CACNA2D3: variants seen among roughly 807,000 people sequenced by gnomAD.
CACNA2D3 encodes the protein calcium voltage-gated channel auxiliary subunit alpha2delta 3.
CACNA2D3 carries 60 observed loss-of-function variants against 160.6 expected under a neutral mutation model. The ratio of observed to expected loss-of-function variants is 0.37; its 90% confidence interval spans 0.30 to 0.46. The LOEUF (loss-of-function observed/expected upper bound fraction) is 0.46. Ranked by LOEUF, CACNA2D3 falls within the 20% of genes least tolerant of loss-of-function variation. The pLI is 1.00. For synonymous variants in CACNA2D3, 558 were observed against 492.9 expected (o/e 1.13, Z -1.75); for missense variants, 1,205 against 1,365.0 (o/e 0.88, Z 1.85).
intron 11 of CACNA2D3, among the ~76,000 whole-genome samples, chr3:54,709,452 C>A (rs1298761484): frequency 6.6e-6 from 1 of 151,950 alleles, no homozygotes; most frequent in African/African-American, 2.4e-5. Context: ...GCCTTAGCCT[C>A]CTGGGTTCAA....
intron 27 of CACNA2D3, chr3:54,925,097 G>A (rs766616024): frequency 2.3e-5 from 37 of 1,613,930 alleles, no homozygotes; most frequent in African/African-American, 2.7e-5. Context: ...AAGGGATTTC[G>A]GCCAGACCCT....
At chr3:54,216,922 G>C (rs1479222294) in intron 2 of CACNA2D3, among the ~76,000 whole-genome samples, 2 of 152,128 alleles carry the variant, frequency 1.3e-5, no homozygotes, top group Non-Finnish European at 1.5e-5. Context: ...TCTGTTTGGT[G>C]GGGGGAGATA....
chr3:54,859,607 G>A (rs1415785778), intron 17 of CACNA2D3, among the ~76,000 whole-genome samples: 1 of 152,158 alleles, frequency 6.6e-6, no homozygotes, highest in East Asian at 1.9e-4. Context: ...AGCATGATAG[G>A]ATTGTCCCTG....
At chr3:54,379,293 C>A (rs1699061429) in intron 3 of CACNA2D3, among the ~76,000 whole-genome samples, 2 of 152,166 alleles carry the variant, frequency 1.3e-5, no homozygotes, top group South Asian at 4.1e-4. Flanking sequence ...TCATGTGCAA[C>A]AAAGCTTATT....
Position 54,880,917 on chromosome 3 carries a change from G to C in CACNA2D3, c.1912+54G>C, listed in dbSNP as rs574487988. ...TTTGGTGTGGGAGGAAAGCTCGGGA[G>C]CTAGCTACTGAGTTAGCTGAAGAAC... On this transcript the variant is annotated intron_variant, in intron 21 of 37. Coordinates refer to ENST00000474759, the MANE Select transcript of CACNA2D3 (RefSeq NM_018398.3). The C allele has an allele frequency of 3.0e-5, 44 of 1,475,166 alleles. No individual in the cohort carries two copies. In the African/African-American group the frequency reaches 5.8e-4, roughly 19 times the overall value. 91.4% of individuals were successfully genotyped at this position (1,475,166 alleles called of 1,614,324 possible). A position where few individuals can be genotyped will look rare whatever the true frequency, so the allele number is the denominator to read the frequency against.
chr3:54,230,799 A>C (rs980275118), intron 2 of CACNA2D3, among the ~76,000 whole-genome samples: 1 of 152,254 alleles, frequency 6.6e-6, no homozygotes, highest in Admixed American at 6.5e-5. Context: ...AAATCTCTTT[A>C]CAAATGGAGG....
intron 2 of CACNA2D3, among the ~76,000 whole-genome samples, chr3:54,301,040 AAAAAT>A (rs1224854914): frequency 2.0e-5 from 3 of 151,908 alleles, no homozygotes; most frequent in Admixed American, 2.0e-4. Flanking sequence ...AAAAAAAAGA[AAAAAT>A]AAAGGATAAG....
At chr3:54,736,063 A>G (rs13098101) in intron 11 of CACNA2D3, among the ~76,000 whole-genome samples, 827 of 26,448 alleles carry the variant, frequency 0.031, 72 homozygotes, top group African/African-American at 0.062. Context: ...ATATGTATGT[A>G]TATATATATA....
chr3:54,393,483 C>T (rs1374966893), intron 4 of CACNA2D3, among the ~76,000 whole-genome samples: 1 of 152,220 alleles, frequency 6.6e-6, no homozygotes, highest in Non-Finnish European at 1.5e-5. Flanking sequence ...CCACCCTTGC[C>T]TGCTGGCCCA....
chr3:54,416,471 C>T (rs973982305), intron 4 of CACNA2D3, among the ~76,000 whole-genome samples: 34 of 152,112 alleles, frequency 2.2e-4, no homozygotes, highest in African/African-American at 8.2e-4. Context: ...CTGTTACATC[C>T]ATAATGGTGA....
At chr3:54,358,521 T>C (rs1393872972) in intron 3 of CACNA2D3, among the ~76,000 whole-genome samples, 1 of 152,172 alleles carries the variant, frequency 6.6e-6, no homozygotes, top group Non-Finnish European at 1.5e-5. Context: ...TGATAATGCC[T>C]GAGGATGCTT....
intron 31 of CACNA2D3, among the ~76,000 whole-genome samples, chr3:55,002,849 CTG>C (rs1287436951): frequency 6.6e-6 from 1 of 152,146 alleles, no homozygotes; most frequent in Non-Finnish European, 1.5e-5. Context: ...CCACAGACGA[CTG>C]TGTTTAATCC....
At chr3:54,533,332 C>CTTTTTTTT (rs60076440) in intron 5 of CACNA2D3, among the ~76,000 whole-genome samples, 5 of 97,306 alleles carry the variant, frequency 5.1e-5, no homozygotes, top group African/African-American at 1.6e-4. Context: ...CTTTTCTTTC[C>CTTTTTTTT]TTTTTTTTTT....
chr3:54,185,067 T>C (rs994096405), intron 2 of CACNA2D3, among the ~76,000 whole-genome samples: 9 of 152,220 alleles, frequency 5.9e-5, no homozygotes, highest in Non-Finnish European at 1.3e-4. Flanking sequence ...TGTTCATAAA[T>C]GCTGAAATTC....
At chr3:54,892,245 G>A (rs1433959597) in intron 25 of CACNA2D3, among the ~76,000 whole-genome samples, 1 of 152,094 alleles carries the variant, frequency 6.6e-6, no homozygotes, top group Non-Finnish European at 1.5e-5. Flanking sequence ...GTTTGCAAGT[G>A]TGTGTGTGTG....
At chr3:54,924,721 A>G (rs778165020) in intron 27 of CACNA2D3, 6 of 1,614,146 alleles carry the variant, frequency 3.7e-6, no homozygotes, top group Admixed American at 1.7e-5. Flanking sequence ...CTGGGCATGG[A>G]TTCCAGGAGC....
At chr3:54,170,841 A>G (rs576605570) in intron 2 of CACNA2D3, among the ~76,000 whole-genome samples, 4 of 152,244 alleles carry the variant, frequency 2.6e-5, no homozygotes, top group African/African-American at 9.6e-5. Context: ...AGATTTTATT[A>G]TTTTGCCATG....
chr3:54,505,075 G>A (rs570538938), intron 5 of CACNA2D3, among the ~76,000 whole-genome samples: 4 of 152,268 alleles, frequency 2.6e-5, no homozygotes, highest in East Asian at 1.9e-4. Context: ...TTTCTTACGC[G>A]TGTTGGATAT....
intron 31 of CACNA2D3, among the ~76,000 whole-genome samples, chr3:54,996,619 C>A (rs1012948687): frequency 7.9e-5 from 12 of 152,182 alleles, no homozygotes; most frequent in Admixed American, 7.2e-4. Context: ...TTTATCAAAT[C>A]AGTGCTGCTC....
Sources: gnomAD v4.1 joint callset for allele counts (sites outside exome capture counted in the v4.1 genomes callset) on GRCh38, gnomAD v4.1.1 for gene constraint, MANE v1.5 for transcripts, NCBI Gene and HGNC (gene_info 2026-07-23, HGNC 2026-07-21) for gene names.